RAB3GAP2: variants seen among roughly 807,000 people sequenced by gnomAD.
The protein encoded by RAB3GAP2 is RAB3 GTPase activating non-catalytic protein subunit 2.
A neutral mutation model predicts 185.3 loss-of-function variants in RAB3GAP2; 87 were observed. The ratio of observed to expected loss-of-function variants is 0.47; its 90% CI spans 0.39 to 0.56. The LOEUF (loss-of-function observed/expected upper bound fraction) is 0.56, where lower values mean the gene tolerates loss of function less well. Among genes scored for constraint, RAB3GAP2 ranks in the 20% least tolerant of loss-of-function variants. RAB3GAP2 has a pLI of 0.00. For missense variants in RAB3GAP2, 1,492 were observed against 1,638.2 expected (o/e 0.91, Z 1.54); for synonymous variants, 554 against 576.1 (o/e 0.96, Z 0.55).
intron 19 of RAB3GAP2, among the ~76,000 whole-genome samples, 162 bp downstream of exon 19, chr1:220,183,874 T>G (rs990212696): frequency 3.9e-5 from 6 of 152,178 alleles, no homozygotes; most frequent in African/African-American, 1.4e-4. Flanking sequence ...AATATAAATA[T>G]AGCAGCAAAG....
chr1:220,217,953 G>A (rs1659228866), intron 2 of RAB3GAP2, among the ~76,000 whole-genome samples: 1 of 152,106 alleles, frequency 6.6e-6, no homozygotes, highest in African/African-American at 2.4e-5. Context: ...GACTATAAGT[G>A]ATCTCAGAAG....
chr1:220,153,583 GTCT>G (rs1424268914), intron 32 of RAB3GAP2, 177 bp from the exon 33 acceptor site: 1 of 469,002 alleles, frequency 2.1e-6, no homozygotes, highest in Non-Finnish European at 3.7e-6. Flanking sequence ...TTTGAAATTG[GTCT>G]TTTTTAAATA....
At chr1:220,207,590 C>A (rs1658992793) in intron 7 of RAB3GAP2, 1 of 152,256 alleles carries the variant, frequency 6.6e-6, no homozygotes, top group Admixed American at 6.5e-5. Flanking sequence ...TGTGTTCTCA[C>A]ATGACAAGTT....
intron 24 of RAB3GAP2, among the ~76,000 whole-genome samples, 189 bp from the exon 25 acceptor site, chr1:220,167,864 T>G (rs1437977846): frequency 6.6e-6 from 1 of 152,140 alleles, no homozygotes; most frequent in Non-Finnish European, 1.5e-5. Context: ...GGGCAACAAG[T>G]GGGATATTTA....
chr1:220,264,353 A>C (rs1223495909), intron 1 of RAB3GAP2, among the ~76,000 whole-genome samples: 4 of 152,104 alleles, frequency 2.6e-5, no homozygotes, highest in African/African-American at 9.7e-5. Context: ...AAAACTAATA[A>C]TAAAACGAAT....
In RAB3GAP2 at chr1:220,151,161, C is replaced by T. The variant is rs1657745112; in HGVS notation, c.*90G>A. 1 of 1,328,260 alleles carries T rather than the reference C, an allele frequency of 7.5e-7. No individual in the cohort carries two copies. Among genetic ancestry groups the T allele is most frequent in the Non-Finnish European group, 1.1e-6 (1 of 949,620 alleles). 82.3% of individuals were successfully genotyped at this position (1,328,260 alleles called of 1,614,324 possible). ...AAAGGAAAAAAAAAGACATACTTTT[C>T]CCATAAAATTCCAGGTCTTACTATG... On this transcript the variant is annotated 3_prime_UTR_variant, in exon 35 of 35. Coordinates refer to ENST00000358951, the MANE Select transcript of RAB3GAP2 (RefSeq NM_012414.4).
chr1:220,255,163 T>C (rs1660012083), intron 1 of RAB3GAP2, among the ~76,000 whole-genome samples: 1 of 151,754 alleles, frequency 6.6e-6, no homozygotes, highest in Admixed American at 6.6e-5. Context: ...TTTTAGGAAT[T>C]GTTTTTCAGA....
chr1:220,195,477 A>C, intron 10 of RAB3GAP2, 100 bp from the exon 11 acceptor site: 1 of 1,151,772 alleles, frequency 8.7e-7, no homozygotes, highest in African/African-American at 1.5e-5. Context: ...GAAAAGTTGT[A>C]AAGGCTGGAC....
chr1:220,156,723 C>T (rs1458431810), intron 31 of RAB3GAP2, among the ~76,000 whole-genome samples: 1 of 152,074 alleles, frequency 6.6e-6, no homozygotes, highest in Admixed American at 6.5e-5. Context: ...GCAGAATTTA[C>T]AAGAATGAAT....
intron 1 of RAB3GAP2, among the ~76,000 whole-genome samples, chr1:220,239,133 A>G (rs1173283975): frequency 6.6e-6 from 1 of 152,240 alleles, no homozygotes; most frequent in Admixed American, 6.5e-5. Context: ...TTTGCATTTC[A>G]AAAGAAATAC....
At chr1:220,260,416 T>A (rs1660111586) in intron 1 of RAB3GAP2, among the ~76,000 whole-genome samples, 1 of 152,110 alleles carries the variant, frequency 6.6e-6, no homozygotes, top group Non-Finnish European at 1.5e-5. Context: ...TATGCAGCCA[T>A]AAAAAGAAAC....
At chr1:220,202,185 A>G in intron 9 of RAB3GAP2, 91 bp downstream of exon 9, 1 of 1,339,076 alleles carries the variant, frequency 7.5e-7, no homozygotes, top group Non-Finnish European at 1.0e-6. Flanking sequence ...AATAATAAAT[A>G]AAGAATAAAT....
In RAB3GAP2 at chr1:220,149,011, A is replaced by G. The variant is rs1164669221; in HGVS notation, c.*2240T>C. ...ACTACTGGTTACTGGCTTCTCATCAATAACTACAAAGTACCACATACCTTT... is the reference window on the plus strand; with the variant it reads ...ACTACTGGTTACTGGCTTCTCATCAGTAACTACAAAGTACCACATACCTTT... On this transcript the variant is annotated 3_prime_UTR_variant, in exon 35 of 35. Coordinates refer to ENST00000358951, the MANE Select transcript of RAB3GAP2 (RefSeq NM_012414.4). The G allele has an allele frequency of 6.6e-6, 1 of 152,202 alleles. No homozygotes were observed. The highest frequency in any genetic ancestry group is 2.4e-5 in the African/African-American group (1 of 41,456). 9.4% of individuals were successfully genotyped at this position (152,202 alleles called of 1,614,324 possible).
rs1658594291 is a variant in RAB3GAP2, at chr1:220,190,454, C to A, written c.1554G>T (p.Gln518His). The A allele has an allele frequency of 6.2e-7, 1 of 1,612,662 alleles. No homozygotes were observed. Among genetic ancestry groups the A allele is most frequent in the Admixed American group, 1.7e-5 (1 of 59,988 alleles). ...GATCAACCAGACAGATCTGATAAGT[C>A]TGTGGCTGCCAACTCTGACTGGTAA... ...NNVTSQSWQP[Q>H]TYQICLVDPV... The change falls in exon 15 of 35, where the codon CAG (glutamine) becomes CAT (histidine). Residue 518 changes from glutamine to histidine, a missense_variant. Gln to His is a conservative substitution (Grantham distance 24). Around this residue, in one of 5 missense-constraint regions of RAB3GAP2, gnomAD observed 681 missense variants for 689.1 expected, o/e 0.99. Coordinates refer to ENST00000358951, the MANE Select transcript of RAB3GAP2 (RefSeq NM_012414.4).
At chr1:220,152,064 C>G (rs1456984225) in intron 33 of RAB3GAP2, among the ~76,000 whole-genome samples, 2 of 151,926 alleles carry the variant, frequency 1.3e-5, no homozygotes, top group African/African-American at 4.8e-5. Flanking sequence ...CTATTTGAAA[C>G]CCTCTAATGG....
At chr1:220,186,462 G>T (rs1271530079) in intron 17 of RAB3GAP2, among the ~76,000 whole-genome samples, 1 of 152,122 alleles carries the variant, frequency 6.6e-6, no homozygotes, top group Non-Finnish European at 1.5e-5. Flanking sequence ...AGGAGAAATG[G>T]GCTTAGAGGG....
chr1:220,262,245 A>G (rs1227691958), intron 1 of RAB3GAP2, among the ~76,000 whole-genome samples: 2 of 151,964 alleles, frequency 1.3e-5, no homozygotes, highest in Non-Finnish European at 2.9e-5. Flanking sequence ...AGCTTGCAGT[A>G]AGCCAAGATG....
intron 28 of RAB3GAP2, among the ~76,000 whole-genome samples, chr1:220,160,269 A>ATACT (rs1251555077): frequency 4.6e-5 from 7 of 152,170 alleles, no homozygotes; most frequent in Admixed American, 4.6e-4. Context: ...GCCCTCAGAA[A>ATACT]TACTACTTGA....
chr1:220,261,973 T>C (rs1474547474), intron 1 of RAB3GAP2, among the ~76,000 whole-genome samples: 3 of 151,864 alleles, frequency 2.0e-5, no homozygotes, highest in African/African-American at 4.8e-5. Context: ...ATCTAATTGA[T>C]TGACATTTTG....
Sources: allele counts gnomAD v4.1 joint callset (sites outside exome capture counted in the v4.1 genomes callset), GRCh38; gene constraint gnomAD v4.1.1; regional missense constraint gnomAD v4.1.1; transcripts MANE v1.5; gene names NCBI Gene and HGNC (gene_info 2026-07-23, HGNC 2026-07-21).